SLC1A4: variants seen among roughly 807,000 people sequenced by gnomAD.
SLC1A4 encodes solute carrier family 1 member 4, also known as neutral amino acid transporter A.
In SLC1A4, 19 loss-of-function variants were observed where a neutral mutation model predicts 37.7. The observed-to-expected ratio is 0.50, with a 90% CI of 0.35 to 0.74. The LOEUF is 0.74. SLC1A4 is among the 30% of genes least tolerant of loss of function. The pLI is 0.01. For synonymous variants in SLC1A4, 299 were observed against 309.8 expected, an observed-to-expected ratio of 0.97 and a Z score of 0.37; for missense variants, 570 against 712.9, an observed-to-expected ratio of 0.80 and a Z score of 2.28.
At chr2:64,988,635 G>C (rs1464649673), upstream of SLC1A4, 2 of 152,258 alleles carry the variant, frequency 1.3e-5, no homozygotes, top group African/African-American at 4.8e-5. Flanking sequence ...GGCTGCGTTA[G>C]AGCCCTAATG....
chr2:65,020,602 T>C (rs1306527029), intron 7 of SLC1A4, among the ~76,000 whole-genome samples: 2 of 152,156 alleles, frequency 1.3e-5, no homozygotes, highest in African/African-American at 2.4e-5. Context: ...CTAATACATA[T>C]AAAATACGTG....
chr2:65,019,948 A>G (rs913955581), intron 7 of SLC1A4, among the ~76,000 whole-genome samples: 3 of 152,244 alleles, frequency 2.0e-5, no homozygotes, highest in African/African-American at 7.2e-5. Context: ...GCAGGGAGTC[A>G]GCTCCCCAGT....
At chr2:65,009,911 C>G (rs1673847801) in intron 3 of SLC1A4, among the ~76,000 whole-genome samples, 1 of 151,980 alleles carries the variant, frequency 6.6e-6, no homozygotes, top group African/African-American at 2.4e-5. Flanking sequence ...AAGTTACAGT[C>G]ACTGATTTGT....
chr2:65,012,472 C>G (rs1213496772), intron 4 of SLC1A4, among the ~76,000 whole-genome samples: 1 of 152,198 alleles, frequency 6.6e-6, no homozygotes, highest in Non-Finnish European at 1.5e-5. Flanking sequence ...CAGAACTTCT[C>G]TCTCTCAGGT....
chr2:64,998,060 C>T (rs946289199), intron 1 of SLC1A4, among the ~76,000 whole-genome samples: 3 of 152,032 alleles, frequency 2.0e-5, no homozygotes, highest in Admixed American at 1.3e-4. Context: ...GGTGAAACCC[C>T]GTCTCTACTA....
At chr2:65,006,424 G>A (rs1269812825) in intron 3 of SLC1A4, among the ~76,000 whole-genome samples, 2 of 151,520 alleles carry the variant, frequency 1.3e-5, no homozygotes, top group East Asian at 2.0e-4. Flanking sequence ...CACAGGATGT[G>A]GAGGTTGCAG....
At chr2:65,001,629 C>A (rs904038227) in intron 2 of SLC1A4, 139 bp downstream of exon 2, 1 of 626,962 alleles carries the variant, frequency 1.6e-6, no homozygotes. Context: ...AAACTTTTAT[C>A]AATGGGTACC....
chr2:64,994,875 T>C (rs2103634415), intron 1 of SLC1A4: 1 of 152,278 alleles, frequency 6.6e-6, no homozygotes, highest in Middle Eastern at 3.4e-3. Context: ...TTAAAATAAA[T>C]AGTAATATTA....
intron 3 of SLC1A4, among the ~76,000 whole-genome samples, chr2:65,004,395 A>G (rs11891647): frequency 0.11 from 17,473 of 152,046 alleles, 1,089 homozygotes; most frequent in Non-Finnish European, 0.13. Context: ...GACTACAGAC[A>G]TGTGCCACCA....
Position 64,989,793 on chromosome 2 carries a change from C to A in SLC1A4, c.150C>A (p.Ser50=). 1 of 1,514,882 alleles carries A rather than the reference C, an allele frequency of 6.6e-7. No individual in the cohort carries two copies. Among genetic ancestry groups the A allele is most frequent in the Non-Finnish European group, 8.8e-7 (1 of 1,135,940 alleles). 93.8% of individuals were successfully genotyped at this position (1,514,882 alleles called of 1,614,324 possible). The change falls in exon 1 of 8, where the codon TCC becomes TCA. Residue 50 remains serine (S), a synonymous_variant. Coordinates refer to ENST00000234256, the MANE Select transcript of SLC1A4 (RefSeq NM_003038.5). ...RRQALVLLTV[S]GVLAGAGLGA... ...AAGCGCTGGTGCTGCTCACCGTGTC[C>A]GGGGTGCTGGCGGGCGCGGGCCTGG... is the stretch of plus-strand genomic sequence containing the variant.
In SLC1A4 at chr2:65,023,240, T is replaced by C. The variant is rs1174611924; in HGVS notation, c.*2094T>C. The C allele has an allele frequency of 6.6e-6, 1 of 152,206 alleles. No individual in the cohort carries two copies. Among genetic ancestry groups the C allele is most frequent in the Non-Finnish European group, 1.5e-5 (1 of 68,034 alleles). 9.4% of individuals were successfully genotyped at this position (152,206 alleles called of 1,614,324 possible). On this transcript the variant is annotated 3_prime_UTR_variant, in exon 8 of 8. Coordinates refer to ENST00000234256, the MANE Select transcript of SLC1A4 (RefSeq NM_003038.5). ...ATGGTAAATGAACACTCACTATTCT[T>C]CAGGCTTCAGTAAATCTTTTTTTCT...
chr2:65,001,282 G>T, intron 1 of SLC1A4, 166 bp from the exon 2 acceptor site: 1 of 636,236 alleles, frequency 1.6e-6, no homozygotes. Context: ...CACGCCTGTA[G>T]TCCCAACACT....
chr2:65,006,358 G>A (rs771544578), intron 3 of SLC1A4, among the ~76,000 whole-genome samples: 7 of 152,170 alleles, frequency 4.6e-5, no homozygotes, highest in South Asian at 2.1e-4. Flanking sequence ...CAGGCATGGT[G>A]GTGGGCACCT....
At chr2:65,000,528 T>TATAAATA (rs1673417960) in intron 1 of SLC1A4, 2 of 152,224 alleles carry the variant, frequency 1.3e-5, no homozygotes, top group African/African-American at 4.8e-5. Flanking sequence ...AAATGCAGAC[T>TATAAATA]GTTACTTGAC....
intron 2 of SLC1A4, among the ~76,000 whole-genome samples, chr2:65,002,636 G>A (rs1490598818): frequency 7.4e-6 from 1 of 135,414 alleles, no homozygotes; most frequent in Admixed American, 8.6e-5. Flanking sequence ...GGAGTGCAGT[G>A]GCGCGATCTT....
intron 1 of SLC1A4, among the ~76,000 whole-genome samples, chr2:64,994,093 C>T (rs1183850512): frequency 6.6e-6 from 1 of 152,200 alleles, no homozygotes; most frequent in Non-Finnish European, 1.5e-5. Context: ...GAGAAGTGAA[C>T]AGTAACTGAC....
At chr2:64,992,305 CT>C (rs1673088975) in intron 1 of SLC1A4, among the ~76,000 whole-genome samples, 1 of 152,192 alleles carries the variant, frequency 6.6e-6, no homozygotes, top group Admixed American at 6.5e-5. Context: ...GAAGGGACTT[CT>C]TGTTTCCTGA....
intron 1 of SLC1A4, among the ~76,000 whole-genome samples, chr2:64,994,126 T>C (rs1673163413): frequency 1.3e-5 from 2 of 152,234 alleles, no homozygotes. Flanking sequence ...TACTAATTAA[T>C]AGAGTCACAC....
intron 1 of SLC1A4, among the ~76,000 whole-genome samples, chr2:64,994,429 T>C (rs2103633502): frequency 6.6e-6 from 1 of 152,396 alleles, no homozygotes; most frequent in Admixed American, 6.5e-5. Context: ...TGGTCTGTGC[T>C]GGCAGCCAGA....
Sources: allele counts gnomAD v4.1 joint callset (sites outside exome capture counted in the v4.1 genomes callset), GRCh38; gene constraint gnomAD v4.1.1; transcripts MANE v1.5; gene names NCBI Gene and HGNC (gene_info 2026-07-23, HGNC 2026-07-21).